SCAPER: variants seen among roughly 807,000 people sequenced by gnomAD.
SCAPER encodes the protein S-phase cyclin A associated protein in the ER, also known as S phase cyclin A-associated protein in the endoplasmic reticulum.
A neutral mutation model predicts 182.2 loss-of-function variants in SCAPER; 98 were observed. The observed-to-expected ratio is 0.54, with a 90% CI of 0.46 to 0.64. The LOEUF (loss-of-function observed/expected upper bound fraction) is 0.64. Among genes scored for constraint, SCAPER ranks in the 30% least tolerant of loss-of-function variants. The pLI, the probability that SCAPER is intolerant of heterozygous loss-of-function variation, is 0.00. For synonymous variants in SCAPER, 605 were observed against 564.6 expected (o/e 1.07, Z -1.01); for missense variants, 1,432 against 1,690.0 (o/e 0.85, Z 2.68).
intron 28 of SCAPER, 127 bp from the exon 29 acceptor site, chr15:76,376,438 C>A: frequency 9.9e-7 from 1 of 1,008,918 alleles, no homozygotes; most frequent in Non-Finnish European, 1.4e-6. Flanking sequence ...TTCTACAGTA[C>A]TATGCTTAAT....
chr15:76,562,323 T>C (rs1166990320), intron 23 of SCAPER, among the ~76,000 whole-genome samples: 2 of 152,042 alleles, frequency 1.3e-5, no homozygotes, highest in Admixed American at 1.3e-4. Context: ...ATTAAGAACT[T>C]TTGTTCATCA....
rs182851988 is a variant in SCAPER, at chr15:76,656,295, G to A, written c.2645+9358C>T. ...TAGAATTTAAATCCACAACAAACCA[G>A]ACAAAGAAGAGCATTACATAATAGT... On this transcript the variant is annotated intron_variant, in intron 21 of 31. Transcript: ENST00000563290. Among the ~76,000 whole-genome samples the A allele has an allele frequency of 3.3e-5, 5 of 152,146 alleles. No individual in the cohort carries two copies. In the East Asian group the frequency reaches 9.6e-4, roughly 29 times the overall value.
chr15:76,751,907 C>T (rs1024446198), intron 15 of SCAPER, among the ~76,000 whole-genome samples: 3 of 151,496 alleles, frequency 2.0e-5, no homozygotes, highest in African/African-American at 7.3e-5. Context: ...AAACATTTTG[C>T]ATGTCAAAAG....
At chr15:76,882,488 A>C (rs888933816) in intron 2 of SCAPER, among the ~76,000 whole-genome samples, 15 of 152,188 alleles carry the variant, frequency 9.9e-5, no homozygotes, top group Admixed American at 9.8e-4. Flanking sequence ...AGATTAAAAA[A>C]AAAGAAATCT....
intron 25 of SCAPER, among the ~76,000 whole-genome samples, chr15:76,458,706 A>G (rs924690284): frequency 3.3e-5 from 5 of 152,122 alleles, no homozygotes; most frequent in Admixed American, 2.6e-4. Context: ...ATTTTGAAAT[A>G]TACAATACAC....
At chr15:76,680,501 T>C (rs942409310) in intron 20 of SCAPER, among the ~76,000 whole-genome samples, 2 of 151,950 alleles carry the variant, frequency 1.3e-5, no homozygotes, top group African/African-American at 4.8e-5. Flanking sequence ...TTGCTATACC[T>C]TGGATGCTTG....
intron 22 of SCAPER, among the ~76,000 whole-genome samples, chr15:76,585,462 G>T (rs978241577): frequency 2.3e-4 from 35 of 152,244 alleles, no homozygotes; most frequent in Non-Finnish European, 1.2e-4. Flanking sequence ...TGTGTGATAG[G>T]TAAGTAGCCA....
At chr15:76,394,910 C>T (rs2043947084) in intron 27 of SCAPER, among the ~76,000 whole-genome samples, 1 of 151,884 alleles carries the variant, frequency 6.6e-6, no homozygotes, top group South Asian at 2.1e-4. Context: ...CTATAGTCAC[C>T]CTGTTGTGAT....
chr15:76,705,994 G>T lies in SCAPER; in HGVS notation c.2166-10C>A. On this transcript the variant is annotated splice_polypyrimidine_tract_variant and intron_variant, in intron 17 of 31. Transcript: ENST00000563290. ...TCGTTCTTCCCTGTCTCTGTAAGAAGACAGTAAAAATTATAAACTCAACTG... is the reference window on the plus strand; with the variant it reads ...TCGTTCTTCCCTGTCTCTGTAAGAATACAGTAAAAATTATAAACTCAACTG... 6.5e-7 allele frequency: 1 copy of T among 1,535,484 alleles called. No individual in the cohort carries two copies. The highest frequency in any genetic ancestry group is 8.7e-7 in the Non-Finnish European group (1 of 1,144,232).
At chr15:76,571,136 T>C (rs1171205450) in intron 23 of SCAPER, among the ~76,000 whole-genome samples, 1 of 152,206 alleles carries the variant, frequency 6.6e-6, no homozygotes, top group Non-Finnish European at 1.5e-5. Context: ...AACTCACATT[T>C]GCCAATCTGG....
intron 25 of SCAPER, among the ~76,000 whole-genome samples, chr15:76,447,417 G>A (rs912876443): frequency 5.3e-5 from 8 of 152,314 alleles, no homozygotes; most frequent in Non-Finnish European, 1.2e-4. Context: ...AGAAGCACAG[G>A]TAAAACAACC....
intron 23 of SCAPER, among the ~76,000 whole-genome samples, chr15:76,520,209 TTTG>T (rs1327721388): frequency 1.3e-5 from 2 of 152,244 alleles, no homozygotes; most frequent in Non-Finnish European, 2.9e-5. Flanking sequence ...ATAGCTATCT[TTTG>T]TTTTTTTGTT....
intron 24 of SCAPER, among the ~76,000 whole-genome samples, chr15:76,495,978 A>C (rs2040464282): frequency 7.0e-6 from 1 of 142,482 alleles, no homozygotes; most frequent in Admixed American, 7.5e-5. Flanking sequence ...AAAGAGAAAG[A>C]AAGCAAAAGA....
At chr15:76,691,867 C>G (rs1355879928) in intron 20 of SCAPER, among the ~76,000 whole-genome samples, 1 of 152,148 alleles carries the variant, frequency 6.6e-6, no homozygotes, top group Non-Finnish European at 1.5e-5. Flanking sequence ...TGAAACCCAG[C>G]TTATCTATAT....
intron 5 of SCAPER, among the ~76,000 whole-genome samples, chr15:76,835,898 C>T (rs534778332): frequency 6.2e-4 from 84 of 136,326 alleles, no homozygotes; most frequent in Non-Finnish European, 1.1e-3. Context: ...AACCTGAGAA[C>T]CAAATCAAGA....
intron 14 of SCAPER, among the ~76,000 whole-genome samples, 168 bp downstream of exon 14, chr15:76,764,793 A>G (rs986145380): frequency 6.6e-6 from 1 of 152,186 alleles, no homozygotes; most frequent in African/African-American, 2.4e-5. Flanking sequence ...GAAAATGACG[A>G]TTTTTTAATA....
chr15:76,777,998 T>C (rs2063846952), intron 8 of SCAPER, among the ~76,000 whole-genome samples: 1 of 152,188 alleles, frequency 6.6e-6, no homozygotes, highest in Admixed American at 6.5e-5. Context: ...AAATAACTCA[T>C]GTAATTTAAT....
At chr15:76,608,075 T>C (rs2050615524) in intron 22 of SCAPER, among the ~76,000 whole-genome samples, 1 of 152,240 alleles carries the variant, frequency 6.6e-6, no homozygotes, top group African/African-American at 2.4e-5. Flanking sequence ...TGCGTTCCTT[T>C]GCAGGAGGAG....
At chr15:76,619,016 TG>T (rs2051763821) in intron 22 of SCAPER, among the ~76,000 whole-genome samples, 2 of 152,312 alleles carry the variant, frequency 1.3e-5, no homozygotes, top group South Asian at 4.1e-4. Flanking sequence ...AGCTAGTTTT[TG>T]TATTTTTAGT....
Sources: gnomAD v4.1 joint callset for allele counts (sites outside exome capture counted in the v4.1 genomes callset) on GRCh38, gnomAD v4.1.1 for gene constraint, MANE v1.5 for transcripts, NCBI Gene and HGNC (gene_info 2026-07-23, HGNC 2026-07-21) for gene names.